The following MYO10 variants were observed in gnomAD, a reference collection of about 807,000 sequenced individuals.
MYO10 encodes the protein myosin X.
MYO10 carries 133 observed loss-of-function variants against 257.3 expected under a neutral mutation model. The ratio of observed to expected loss-of-function variants is 0.52; its 90% CI spans 0.45 to 0.60. The LOEUF is 0.60. Among genes scored for constraint, MYO10 ranks in the 20% least tolerant of loss-of-function variants. The pLI is 0.00. For missense variants in MYO10, 2,399 were observed against 2,635.7 expected (o/e 0.91, Z 1.97); for synonymous variants, 1,104 against 1,028.6 (o/e 1.07, Z -1.40).
chr5:16,853,373 CAA>C (rs5866209), intron 2 of MYO10, among the ~76,000 whole-genome samples: 3 of 129,336 alleles, frequency 2.3e-5, no homozygotes, highest in Admixed American at 7.8e-5. Context: ...GACTCCGTCT[CAA>C]AAAAAAAAAA....
At chr5:16,842,233 T>G (rs973549954) in intron 2 of MYO10, among the ~76,000 whole-genome samples, 2 of 152,202 alleles carry the variant, frequency 1.3e-5, no homozygotes, top group African/African-American at 4.8e-5. Flanking sequence ...TATGCTTGCC[T>G]GACCTTTGCT....
At position 16,783,354 on chromosome 5, in the gene MYO10, G is replaced by A. The variant is rs961927741; in HGVS notation, c.583C>T (p.Arg195Ter). 2 of 1,588,544 alleles carry A rather than the reference G, an allele frequency of 1.3e-6. No homozygotes were observed. Among genetic ancestry groups the A allele is most frequent in the Non-Finnish European group, 1.7e-6 (2 of 1,169,108 alleles). The change falls in exon 5 of 41, where the codon CGA becomes TGA. Residue 195 changes from arginine (R) to a stop codon, truncating the protein, a stop_gained. Coordinates refer to ENST00000513610, the MANE Select transcript of MYO10 (RefSeq NM_012334.3). LOFTEE classifies it high-confidence loss of function. ...SLKEKTSCVE[R>*]AILESSPIME... The stretch of plus-strand genomic sequence containing the variant: ...AAATACCTGCTTTCAAGAATAGCTC[G>A]TTCAACACAGGATGTCTTCTCCTTT...
intron 1 of MYO10, among the ~76,000 whole-genome samples, chr5:16,906,206 C>A (rs908122431): frequency 2.6e-5 from 4 of 152,114 alleles, no homozygotes; most frequent in Non-Finnish European, 5.9e-5. Context: ...GGGGTAGGGT[C>A]CAGAATGGAC....
intron 1 of MYO10, among the ~76,000 whole-genome samples, chr5:16,898,571 G>A (rs1025469057): frequency 9.2e-5 from 14 of 151,770 alleles, no homozygotes; most frequent in South Asian, 4.2e-4. Context: ...CGCCACACCC[G>A]GTTAATTTTG....
intron 19 of MYO10, among the ~76,000 whole-genome samples, chr5:16,752,440 G>A (rs1740403550): frequency 6.6e-6 from 1 of 151,958 alleles, no homozygotes; most frequent in South Asian, 2.1e-4. Context: ...GTGCCACCAC[G>A]CCTGGCTAAT....
Position 16,821,109 on chromosome 5 carries a change from T to C in MYO10, c.121-2942A>G, listed in dbSNP as rs78613270. Among the ~76,000 whole-genome samples, 1,187 of 147,536 alleles carry C rather than the reference T, an allele frequency of 8.0e-3. 14 individuals are homozygous for C. Among genetic ancestry groups the C allele is most frequent in the African/African-American group, 0.028 (1,129 of 40,762 alleles). On this transcript the variant is annotated intron_variant, in intron 2 of 40. Transcript: ENST00000513610. ...TACATATAATGTATAATATATAATA[T>C]ATAAAATGTTTTGTATATGTATGTA...
intron 1 of MYO10, among the ~76,000 whole-genome samples, chr5:16,888,472 G>A (rs570829466): frequency 6.6e-6 from 1 of 152,068 alleles, no homozygotes; most frequent in South Asian, 2.1e-4. Context: ...GTGCATGCCT[G>A]TAATCCCAGC....
chr5:16,888,456 G>A (rs1236861662), intron 1 of MYO10, among the ~76,000 whole-genome samples: 3 of 151,872 alleles, frequency 2.0e-5, no homozygotes, highest in African/African-American at 4.9e-5. Flanking sequence ...TTAGCTGGGT[G>A]TGGTGGTGCA....
intron 21 of MYO10, among the ~76,000 whole-genome samples, chr5:16,705,228 C>G (rs1184329254): frequency 6.6e-6 from 1 of 152,138 alleles, no homozygotes; most frequent in African/African-American, 2.4e-5. Context: ...TAAATGCACT[C>G]AAAATATTGA....
intron 1 of MYO10, among the ~76,000 whole-genome samples, chr5:16,886,774 A>T (rs1300344077): frequency 6.6e-6 from 1 of 152,042 alleles, no homozygotes; most frequent in East Asian, 1.9e-4. Flanking sequence ...TCTACTAAAA[A>T]TACCAAAATT....
At chr5:16,788,882 A>G (rs1048908882) in intron 4 of MYO10, among the ~76,000 whole-genome samples, 1 of 152,172 alleles carries the variant, frequency 6.6e-6, no homozygotes, top group Admixed American at 6.5e-5. Flanking sequence ...GGAACATACT[A>G]AAAGATTTTG....
chr5:16,836,847 T>C (rs1580056629), intron 2 of MYO10, among the ~76,000 whole-genome samples: 1 of 152,228 alleles, frequency 6.6e-6, no homozygotes, highest in East Asian at 1.9e-4. Flanking sequence ...CCTAGATATA[T>C]ACCCAAGAAA....
intron 34 of MYO10, 57 bp from the exon 35 acceptor site, chr5:16,675,207 G>A: frequency 6.4e-7 from 1 of 1,569,126 alleles, no homozygotes; most frequent in Non-Finnish European, 8.7e-7. Context: ...TAGGGCATGA[G>A]CATAATCGGA....
intron 19 of MYO10, chr5:16,738,021 C>T (rs930375469): frequency 1.3e-6 from 1 of 799,524 alleles, no homozygotes. Context: ...TAGCACGGAA[C>T]TAGAAAATCT....
chr5:16,803,795 T>C (rs1308436260), intron 3 of MYO10, among the ~76,000 whole-genome samples: 2 of 152,332 alleles, frequency 1.3e-5, no homozygotes, highest in Middle Eastern at 3.4e-3. Context: ...TGCCTCATTG[T>C]ATAAAAATTA....
At chr5:16,869,082 T>C (rs762739759) in intron 2 of MYO10, among the ~76,000 whole-genome samples, 1 of 152,030 alleles carries the variant, frequency 6.6e-6, no homozygotes, top group Non-Finnish European at 1.5e-5. Context: ...TGGAGTGCAG[T>C]GGCGCCATTG....
Position 16,759,351 on chromosome 5 carries a change from G to A in MYO10, c.1740-1125C>T, listed in dbSNP as rs569522997. On this transcript the variant is annotated intron_variant, in intron 17 of 40. Coordinates refer to ENST00000513610, the MANE Select transcript of MYO10 (RefSeq NM_012334.3). ...TCTGAGCATCTGCCTCCCCACAAGC[G>A]GCAATATTAGAGCTTTCCCTGGTCG... Among the ~76,000 whole-genome samples the A allele has an allele frequency of 1.6e-4, 25 of 152,234 alleles. 1 individual carries two copies. Among genetic ancestry groups the A allele is most frequent in the African/African-American group, 4.3e-4 (18 of 41,540 alleles).
chr5:16,701,722 G>A lies in MYO10; in HGVS notation c.2673C>T (p.Leu891=), dbSNP rs1738089022. The change falls in exon 25 of 41, where the codon CTC becomes CTT. Residue 891 remains leucine, a synonymous_variant. Coordinates refer to ENST00000513610, the MANE Select transcript of MYO10 (RefSeq NM_012334.3). This position sits in a 1 kb window ranked among gnomAD's most constrained non-coding sequence, Gnocchi z 8.1. The part of the protein sequence containing the change: ...QKENKQVEEI[L]RLEKEIEDLQ... ...GGTCCTCGATTTCTTTCTCCAGACGGAGGATCTCTTCCACCTGCTTATTTT... is the reference window on the plus strand; with the variant it reads ...GGTCCTCGATTTCTTTCTCCAGACGAAGGATCTCTTCCACCTGCTTATTTT... 2 of 1,613,848 alleles carry A rather than the reference G, an allele frequency of 1.2e-6. No homozygotes were observed. The highest frequency in any genetic ancestry group is 1.3e-5 in the African/African-American group (1 of 74,928).
intron 1 of MYO10, among the ~76,000 whole-genome samples, chr5:16,923,541 C>T (rs1746048151): frequency 6.6e-6 from 1 of 151,308 alleles, no homozygotes; most frequent in South Asian, 2.1e-4. Flanking sequence ...CCCGTCTCGG[C>T]CTCCCAAAGT....
Sources: allele counts gnomAD v4.1 joint callset (sites outside exome capture counted in the v4.1 genomes callset), GRCh38; gene constraint gnomAD v4.1.1; non-coding constraint Gnocchi (gnomAD v3.1); transcripts MANE v1.5; gene names NCBI Gene and HGNC (gene_info 2026-07-23, HGNC 2026-07-21).